ATP6V1D: variants seen among roughly 807,000 people sequenced by gnomAD.
ATP6V1D encodes the protein ATPase H+ transporting V1 subunit D, also known as V-type proton ATPase subunit D.
In ATP6V1D, 20 loss-of-function variants were observed where a neutral mutation model predicts 39.4. That is an observed-to-expected ratio of 0.51 (90% CI 0.36 to 0.74). The LOEUF (loss-of-function observed/expected upper bound fraction) is 0.74, where lower values mean the gene tolerates loss of function less well. Ranked by LOEUF, ATP6V1D falls within the 30% of genes least tolerant of loss-of-function variation. The probability of loss-of-function intolerance (pLI) is 0.00; values close to 1 mark genes in which losing one functional copy is unlikely to be tolerated. For synonymous variants in ATP6V1D, 100 were observed against 100.5 expected (o/e 0.99, Z 0.03); for missense variants, 228 against 291.6 (o/e 0.78, Z 1.59).
In ATP6V1D at chr14:67,338,776, G is replaced by A. The variant is rs376969123; in HGVS notation, c.603-14C>T. 1.2e-6 allele frequency: 2 copies of A among 1,600,096 alleles called. No homozygotes were observed. Among genetic ancestry groups the A allele is most frequent in the African/African-American group, 1.4e-5 (1 of 74,066 alleles). On this transcript the variant is annotated splice_polypyrimidine_tract_variant and intron_variant, in intron 8 of 8. Coordinates refer to ENST00000216442, the MANE Select transcript of ATP6V1D (RefSeq NM_015994.4). ...ATTTTCTTTAACCTGTAAAATACAG[G>A]TGGGGGTGGATTTTTTAAACACTGT...
chr14:67,357,443 T>C (rs2085692993), intron 1 of ATP6V1D, among the ~76,000 whole-genome samples: 1 of 152,362 alleles, frequency 6.6e-6, no homozygotes, highest in Non-Finnish European at 1.5e-5. Context: ...GATTATTTCC[T>C]GCACCTGATT....
At chr14:67,339,335 CGAATG>C (rs1383535213) in intron 8 of ATP6V1D, among the ~76,000 whole-genome samples, 1 of 151,962 alleles carries the variant, frequency 6.6e-6, no homozygotes. Flanking sequence ...AATCCATTCT[CGAATG>C]GAACAGATTT....
intron 1 of ATP6V1D, among the ~76,000 whole-genome samples, chr14:67,356,759 C>T (rs954704835): frequency 3.9e-5 from 6 of 152,186 alleles, no homozygotes; most frequent in Non-Finnish European, 8.8e-5. Flanking sequence ...CACTGGCTGA[C>T]TCTGCACTGA....
At chr14:67,355,560 A>G (rs1233573806) in intron 1 of ATP6V1D, among the ~76,000 whole-genome samples, 1 of 151,652 alleles carries the variant, frequency 6.6e-6, no homozygotes, top group Non-Finnish European at 1.5e-5. Flanking sequence ...AGAAGCAAAC[A>G]TGGTGTTCAC....
intron 1 of ATP6V1D, among the ~76,000 whole-genome samples, chr14:67,359,263 CT>C (rs2085709933): frequency 6.6e-6 from 1 of 152,216 alleles, no homozygotes; most frequent in Admixed American, 6.5e-5. Context: ...TTAAAACCTC[CT>C]TGGCCTTTCC....
Position 67,345,870 on chromosome 14 carries a change from A to T in ATP6V1D, c.354T>A (p.Ser118Arg). 1.9e-6 allele frequency: 3 copies of T among 1,596,966 alleles called. No individual in the cohort carries two copies. Among genetic ancestry groups the T allele is most frequent in the Non-Finnish European group, 2.6e-6 (3 of 1,165,262 alleles). The change falls in exon 6 of 9, where the codon AGT becomes AGA. Residue 118 changes from serine (S) to arginine (R), a missense_variant and splice_region_variant. Physicochemically the swap from Ser to Arg is moderately radical, Grantham distance 110 (BLOSUM62 -1). Transcript: ENST00000216442. Reference protein sequence around the residue: ...VFEHYHEGTDSYELTGLARGG... With the variant: ...VFEHYHEGTDRYELTGLARGG... ...CTCTGGCTAAACCAGTCAGTTCATAACCTGAAAGGACCAGTCAGACAACAT... is the reference window on the plus strand; with the variant it reads ...CTCTGGCTAAACCAGTCAGTTCATATCCTGAAAGGACCAGTCAGACAACAT...
chr14:67,350,500 A>G lies in ATP6V1D; in HGVS notation c.239+111T>C, dbSNP rs941270944. 1.7e-5 allele frequency: 14 copies of G among 823,078 alleles called. No individual in the cohort carries two copies. The Middle Eastern group carries it at 7.0e-4, about 41-fold the overall frequency. The allele number at this position is 823,078 out of a possible 1,614,324, so 51.0% of individuals were successfully genotyped here. A position where few individuals can be genotyped will look rare whatever the true frequency, so the allele number is the denominator to read the frequency against. On this transcript the variant is annotated intron_variant, in intron 3 of 8. Coordinates refer to ENST00000216442, the MANE Select transcript of ATP6V1D (RefSeq NM_015994.4). The stretch of plus-strand genomic sequence containing the variant: ...AAAAGAATTCTTTCTTATTATTACT[A>G]TATCATTTGTCCTTAACGCTTATTT...
intron 2 of ATP6V1D, among the ~76,000 whole-genome samples, chr14:67,351,693 T>C (rs1414149884): frequency 1.3e-5 from 2 of 151,652 alleles, no homozygotes; most frequent in Admixed American, 6.6e-5. Flanking sequence ...CTTCTTCTTC[T>C]TCTTTTTTGT....
intron 2 of ATP6V1D, among the ~76,000 whole-genome samples, chr14:67,351,441 T>C (rs879369469): frequency 5.3e-5 from 8 of 152,246 alleles, no homozygotes; most frequent in Admixed American, 4.6e-4. Context: ...AAGCCTTATA[T>C]GTAACTCAGA....
At chr14:67,351,958 G>A (rs1308781490) in intron 2 of ATP6V1D, among the ~76,000 whole-genome samples, 1 of 138,606 alleles carries the variant, frequency 7.2e-6, no homozygotes, top group Non-Finnish European at 1.5e-5. Context: ...TTGTCAATAA[G>A]CATGAAAAGC....
chr14:67,352,769 A>C, intron 2 of ATP6V1D, 154 bp downstream of exon 2: 1 of 576,308 alleles, frequency 1.7e-6, no homozygotes. Flanking sequence ...TATTAAATGA[A>C]CTATTTGATA....
At chr14:67,340,104 ACAAT>A (rs2141089896) in intron 8 of ATP6V1D, 1 of 209,010 alleles carries the variant, frequency 4.8e-6, no homozygotes, top group African/African-American at 2.3e-5. Context: ...TCTATTACGC[ACAAT>A]CAGTTACAGA....
intron 7 of ATP6V1D, among the ~76,000 whole-genome samples, chr14:67,340,945 G>A (rs2085576558): frequency 6.6e-6 from 1 of 152,220 alleles, no homozygotes; most frequent in East Asian, 1.9e-4. Flanking sequence ...CGAGGTGCCG[G>A]GATTGCAGAT....
At chr14:67,358,869 A>G (rs2085705326) in intron 1 of ATP6V1D, among the ~76,000 whole-genome samples, 1 of 152,244 alleles carries the variant, frequency 6.6e-6, no homozygotes, top group Non-Finnish European at 1.5e-5. Flanking sequence ...AAGGCAGCCC[A>G]CAACTGAGCG....
At chr14:67,358,219 C>A (rs920953925) in intron 1 of ATP6V1D, among the ~76,000 whole-genome samples, 31 of 152,144 alleles carry the variant, frequency 2.0e-4, no homozygotes, top group African/African-American at 7.0e-4. Context: ...CCTAGGAGTT[C>A]TGCAGTTGTC....
chr14:67,344,071 A>G (rs1275249849), intron 6 of ATP6V1D, among the ~76,000 whole-genome samples: 1 of 152,176 alleles, frequency 6.6e-6, no homozygotes, highest in Non-Finnish European at 1.5e-5. Flanking sequence ...TATGCAACCT[A>G]CTGACGCTGA....
intron 1 of ATP6V1D, among the ~76,000 whole-genome samples, chr14:67,357,930 T>C (rs982735552): frequency 1.3e-5 from 2 of 152,226 alleles, no homozygotes; most frequent in African/African-American, 2.4e-5. Flanking sequence ...TCAAAGATAC[T>C]TGAAGGGACA....
chr14:67,340,032 C>CAAAAAAAA (rs34358102), intron 8 of ATP6V1D: 1 of 71,686 alleles, frequency 1.4e-5, no homozygotes. Context: ...CTCTGTCTCA[C>CAAAAAAAA]AAAAAAAAAA....
At chr14:67,358,753 A>G (rs1348623690) in intron 1 of ATP6V1D, among the ~76,000 whole-genome samples, 1 of 152,226 alleles carries the variant, frequency 6.6e-6, no homozygotes, top group Non-Finnish European at 1.5e-5. Flanking sequence ...GAAAGGGAGC[A>G]AGTTGTTAGG....
Sources: gnomAD v4.1 joint callset for allele counts (sites outside exome capture counted in the v4.1 genomes callset) on GRCh38, gnomAD v4.1.1 for gene constraint, MANE v1.5 for transcripts, NCBI Gene and HGNC (gene_info 2026-07-23, HGNC 2026-07-21) for gene names.